The following SEMA5A variants were observed in gnomAD, a reference collection of about 807,000 sequenced individuals.
SEMA5A encodes semaphorin-5A.
Under a neutral mutation model 135.5 loss-of-function variants are expected in SEMA5A, and 55 were observed. The ratio of observed to expected loss-of-function variants is 0.41; its 90% CI spans 0.33 to 0.51. The LOEUF is 0.51. SEMA5A is among the 20% of genes least tolerant of loss of function. The probability of loss-of-function intolerance (pLI) is 0.37; values close to 1 mark genes in which losing one functional copy is unlikely to be tolerated. For missense variants in SEMA5A, 1,290 were observed against 1,419.9 expected, an observed-to-expected ratio of 0.91 and a Z score of 1.47; for synonymous variants, 580 against 546.5, an observed-to-expected ratio of 1.06 and a Z score of -0.85.
chr5:9,172,485 C>T (rs1398785538), intron 11 of SEMA5A, among the ~76,000 whole-genome samples: 2 of 152,156 alleles, frequency 1.3e-5, no homozygotes, highest in East Asian at 3.9e-4. Flanking sequence ...AGTTTCTACT[C>T]TGACAATTAA....
At chr5:9,530,442 T>A (rs1183715423) in intron 1 of SEMA5A, among the ~76,000 whole-genome samples, 1 of 152,208 alleles carries the variant, frequency 6.6e-6, no homozygotes, top group Non-Finnish European at 1.5e-5. Context: ...ACTCTTCCAG[T>A]CTCAACCAAC....
At chr5:9,525,715 A>G (rs1737087983) in intron 1 of SEMA5A, among the ~76,000 whole-genome samples, 1 of 152,216 alleles carries the variant, frequency 6.6e-6, no homozygotes, top group African/African-American at 2.4e-5. Flanking sequence ...CCTCACATGA[A>G]GTAGAACTAG....
intron 1 of SEMA5A, among the ~76,000 whole-genome samples, chr5:9,486,545 G>A (rs1734733368): frequency 1.3e-5 from 2 of 152,088 alleles, no homozygotes; most frequent in African/African-American, 4.8e-5. Context: ...ATGGCATTGA[G>A]ACAAGGAGAC....
Position 9,441,767 on chromosome 5 carries a change from C to T in SEMA5A, c.-174-3915G>A, listed in dbSNP as rs1247265006. On this transcript the variant is annotated intron_variant, in intron 1 of 22. Coordinates refer to ENST00000382496, the MANE Select transcript of SEMA5A (RefSeq NM_003966.3). Reference sequence around the variant, plus strand: ...CATCGGCTAGCAGCAGCATGTGCCACGATGACTACCTGCAAGATCACTCAC... The same window carrying T: ...CATCGGCTAGCAGCAGCATGTGCCATGATGACTACCTGCAAGATCACTCAC... Among the ~76,000 whole-genome samples the T allele has an allele frequency of 5.9e-5, 9 of 152,180 alleles. No homozygotes were observed. The East Asian group carries it at 1.5e-3, about 26-fold the overall frequency.
In SEMA5A at chr5:9,187,512, T is replaced by C. The variant is rs897548695; in HGVS notation, c.1273+2755A>G. 7.2e-5 allele frequency among the ~76,000 whole-genome samples: 11 copies of C among 152,302 alleles called. No homozygotes were observed. In the East Asian group the frequency reaches 2.1e-3, roughly 29 times the overall value. ...GGGCCCCGGGTATCTATGGCTGTTT[T>C]CTGCTGGAAAGTACCTTCACCCACT... On this transcript the variant is annotated intron_variant, in intron 11 of 22. Coordinates refer to ENST00000382496, the MANE Select transcript of SEMA5A (RefSeq NM_003966.3).
rs2221444 is a variant in SEMA5A, at chr5:9,477,054, T to C, written c.-174-39202A>G. ...GGAGATGATTGGATCCTGGGAACAG[T>C]TTCCCCATGCTGTTCTCATGATATA... is the stretch of plus-strand genomic sequence containing the variant. On this transcript the variant is annotated intron_variant, in intron 1 of 22. Transcript: ENST00000382496. Among the ~76,000 whole-genome samples, 318 of 152,232 alleles carry C rather than the reference T, an allele frequency of 2.1e-3. 2 individuals carry two copies. The highest frequency in any genetic ancestry group is 0.019 in the East Asian group (97 of 5,174).
intron 11 of SEMA5A, among the ~76,000 whole-genome samples, chr5:9,158,560 G>C (rs1372903662): frequency 6.6e-6 from 1 of 151,560 alleles, no homozygotes; most frequent in African/African-American, 2.4e-5. Flanking sequence ...TTCCCAAGGA[G>C]AGACGACAAT....
chr5:9,377,168 A>G (rs534564542), intron 3 of SEMA5A, among the ~76,000 whole-genome samples: 2 of 152,148 alleles, frequency 1.3e-5, no homozygotes, highest in South Asian at 4.2e-4. Context: ...AGGCTCCAGC[A>G]TATATCATTA....
intron 5 of SEMA5A, among the ~76,000 whole-genome samples, chr5:9,284,106 TAGAGAG>T (rs3034563): frequency 2.9e-4 from 43 of 148,596 alleles, no homozygotes; most frequent in African/African-American, 6.9e-4. Flanking sequence ...AGATAGATAT[TAGAGAG>T]AGAGAGAGAG....
chr5:9,437,725 T>A (rs1333774015), intron 2 of SEMA5A, 31 bp downstream of exon 2: 1 of 152,256 alleles, frequency 6.6e-6, no homozygotes, highest in Non-Finnish European at 1.5e-5. Context: ...TTTTTTAGTT[T>A]CTTCACTTCC....
chr5:9,524,772 A>G (rs1193004400), intron 1 of SEMA5A, among the ~76,000 whole-genome samples: 1 of 152,184 alleles, frequency 6.6e-6, no homozygotes, highest in Non-Finnish European at 1.5e-5. Flanking sequence ...AAATAAATAT[A>G]TACATAAACA....
chr5:9,441,406 GA>G (rs1253608759), intron 1 of SEMA5A, among the ~76,000 whole-genome samples: 2 of 152,126 alleles, frequency 1.3e-5, no homozygotes, highest in Non-Finnish European at 2.9e-5. Flanking sequence ...AGGAACAGCT[GA>G]AAGTCATCAG....
At chr5:9,221,338 T>C (rs191606479) in intron 8 of SEMA5A, among the ~76,000 whole-genome samples, 4,419 of 144,298 alleles carry the variant, frequency 0.031, 184 homozygotes, top group African/African-American at 0.092. Flanking sequence ...AGTCTCGCTG[T>C]GTCACCCAGG....
chr5:9,307,436 C>T (rs1751923148), intron 5 of SEMA5A, among the ~76,000 whole-genome samples: 2 of 151,710 alleles, frequency 1.3e-5, no homozygotes, highest in Admixed American at 1.3e-4. Flanking sequence ...AAAGAGTCAA[C>T]AAATTAAGGG....
chr5:9,156,402 C>T (rs549843561), intron 11 of SEMA5A, among the ~76,000 whole-genome samples: 2 of 152,182 alleles, frequency 1.3e-5, no homozygotes, highest in Admixed American at 6.5e-5. Flanking sequence ...TCACATGTGT[C>T]AGCCACAGGC....
intron 1 of SEMA5A, among the ~76,000 whole-genome samples, chr5:9,497,854 G>T (rs540008328): frequency 2.0e-5 from 3 of 152,212 alleles, no homozygotes; most frequent in Admixed American, 2.0e-4. Context: ...CTTTTGGTCT[G>T]TCGTTTGACT....
intron 7 of SEMA5A, 68 bp from the exon 8 acceptor site, chr5:9,224,955 C>T (rs988669204): frequency 9.2e-5 from 129 of 1,405,262 alleles, no homozygotes; most frequent in Non-Finnish European, 1.2e-4. Context: ...CTTATGGTCA[C>T]ACCCACCATC....
intron 15 of SEMA5A, among the ~76,000 whole-genome samples, chr5:9,109,992 G>T (rs1030386517): frequency 3.9e-5 from 6 of 152,132 alleles, no homozygotes; most frequent in African/African-American, 1.4e-4. Context: ...TGGGCTTCAG[G>T]AACAGGGACA....
At chr5:9,098,008 C>T (rs1415429006) in intron 16 of SEMA5A, among the ~76,000 whole-genome samples, 2 of 152,026 alleles carry the variant, frequency 1.3e-5, no homozygotes, top group Non-Finnish European at 2.9e-5. Flanking sequence ...CTTTGGGAGG[C>T]TGAAACAGGT....
Sources: allele counts gnomAD v4.1 joint callset (sites outside exome capture counted in the v4.1 genomes callset), GRCh38; gene constraint gnomAD v4.1.1; transcripts MANE v1.5; gene names NCBI Gene and HGNC (gene_info 2026-07-23, HGNC 2026-07-21).